The following ASCC3 variants were observed in gnomAD, a reference collection of about 807,000 sequenced individuals.
ASCC3 encodes the protein ASC-1 complex subunit P200.
A neutral mutation model predicts 256.3 loss-of-function variants in ASCC3; 158 were observed. The ratio of observed to expected loss-of-function variants is 0.62; its 90% confidence interval spans 0.54 to 0.70. ASCC3 has a LOEUF of 0.70. Among genes scored for constraint, ASCC3 ranks in the 30% least tolerant of loss-of-function variants. The pLI, the probability that ASCC3 is intolerant of heterozygous loss-of-function variation, is 0.00. For synonymous variants in ASCC3, 948 were observed against 883.4 expected (o/e 1.07, Z -1.30); for missense variants, 2,259 against 2,626.0 (o/e 0.86, Z 3.05).
At chr6:100,584,360 T>C (rs576785567) in intron 36 of ASCC3, among the ~76,000 whole-genome samples, 5 of 151,864 alleles carry the variant, frequency 3.3e-5, no homozygotes, top group African/African-American at 1.2e-4. Flanking sequence ...TTTGTGTCTT[T>C]TGATCTTTGT....
intron 4 of ASCC3, among the ~76,000 whole-genome samples, chr6:100,829,265 G>A (rs370024742): frequency 1.5e-4 from 23 of 152,254 alleles, no homozygotes; most frequent in African/African-American, 5.3e-4. Context: ...ATGGGACTGG[G>A]CACCGTGGAG....
chr6:100,826,293 G>A (rs1007365233), intron 4 of ASCC3, among the ~76,000 whole-genome samples: 3 of 151,792 alleles, frequency 2.0e-5, no homozygotes, highest in African/African-American at 4.8e-5. Context: ...CACCACGCCC[G>A]GCTAATTTTT....
intron 2 of ASCC3, 63 bp from the exon 3 acceptor site, chr6:100,864,277 T>C (rs1773374527): frequency 7.3e-7 from 1 of 1,378,890 alleles, no homozygotes. Flanking sequence ...CCAACGCTGA[T>C]TACATATATT....
chr6:100,682,766 G>A (rs997520890), intron 13 of ASCC3, among the ~76,000 whole-genome samples: 1 of 152,174 alleles, frequency 6.6e-6, no homozygotes, highest in Non-Finnish European at 1.5e-5. Context: ...CATAAAGGAG[G>A]CTACAGTTGT....
rs547704062 is a variant in ASCC3, at chr6:100,598,802, T to C, written c.5303+3008A>G. On this transcript the variant is annotated intron_variant, in intron 34 of 41. Transcript: ENST00000369162. ...TTCTGTGTCTGCTAACTAAACCTTATCTAGTTCCCACCCCCTATATAATAC... is the reference window on the plus strand; with the variant it reads ...TTCTGTGTCTGCTAACTAAACCTTACCTAGTTCCCACCCCCTATATAATAC... Among the ~76,000 whole-genome samples, 4 of 152,306 alleles carry C rather than the reference T, an allele frequency of 2.6e-5. No homozygotes were observed. In the South Asian group the frequency reaches 6.2e-4, roughly 24 times the overall value.
Position 100,605,459 on chromosome 6 carries a change from ATTC to A in ASCC3, c.5177+106_5177+108del, listed in dbSNP as rs1326441663. 7.7e-6 allele frequency: 6 copies of A among 777,150 alleles called. No individual in the cohort carries two copies. The African/African-American group carries it at 8.8e-5, about 11-fold the overall frequency. The allele number at this position is 777,150 out of a possible 1,614,324, so 48.1% of individuals were successfully genotyped here. A position where few individuals can be genotyped will look rare whatever the true frequency, so the allele number is the denominator to read the frequency against. On this transcript the variant is annotated intron_variant, in intron 33 of 41. Transcript: ENST00000369162. ...ATTATATTGTTTCACATTATATTAA[ATTC>A]TTCTAAGCTACCTGTTTTACTGATT...
Position 100,509,977 on chromosome 6 carries a change from T to A in ASCC3, c.6416A>T (p.His2139Leu). ...ALKRVGYIRN[H>L]HVASLSFYTP... ...ATAAAAAGAAAGGGAAGCAACATGA[T>A]GATTTCGAATATATCCTACTCTTTT... is the stretch of plus-strand genomic sequence containing the variant. The change falls in exon 41 of 42, where the codon CAT (histidine) becomes CTT (leucine). Residue 2139 changes from histidine (H) to leucine (L), a missense_variant. By Grantham distance (99) the His-to-Leu change is moderately conservative. Transcript: ENST00000369162. 6.2e-7 allele frequency: 1 copy of A among 1,614,114 alleles called. No individual in the cohort carries two copies. Among genetic ancestry groups the A allele is most frequent in the Non-Finnish European group, 8.5e-7 (1 of 1,179,976 alleles).
intron 30 of ASCC3, among the ~76,000 whole-genome samples, chr6:100,623,265 C>A (rs1286220629): frequency 1.3e-5 from 2 of 151,706 alleles, no homozygotes; most frequent in Non-Finnish European, 2.9e-5. Flanking sequence ...TCTGGTATAC[C>A]CATACAAGTA....
At chr6:100,715,381 G>A (rs764850822) in intron 13 of ASCC3, 81 bp downstream of exon 13, 3 of 1,270,448 alleles carry the variant, frequency 2.4e-6, no homozygotes, top group South Asian at 2.6e-5. Context: ...CTTCTGAAGA[G>A]CGTAAATATT....
chr6:100,804,202 A>G (rs1770056352), intron 5 of ASCC3, among the ~76,000 whole-genome samples: 1 of 152,106 alleles, frequency 6.6e-6, no homozygotes, highest in South Asian at 2.1e-4. Context: ...GATGTCTAGA[A>G]CTTCCTGTCA....
chr6:100,674,949 T>C (rs566960032), intron 14 of ASCC3, among the ~76,000 whole-genome samples: 9 of 152,190 alleles, frequency 5.9e-5, no homozygotes, highest in African/African-American at 9.6e-5. Flanking sequence ...TCTTAAAATA[T>C]AGGCATCATT....
At chr6:100,578,464 C>T (rs1023138698) in intron 36 of ASCC3, among the ~76,000 whole-genome samples, 12 of 151,898 alleles carry the variant, frequency 7.9e-5, no homozygotes, top group South Asian at 4.2e-4. Flanking sequence ...TTCCCTTCTT[C>T]GTGTCCATGT....
intron 14 of ASCC3, among the ~76,000 whole-genome samples, chr6:100,678,615 G>A (rs1404072770): frequency 1.3e-5 from 2 of 151,886 alleles, no homozygotes; most frequent in Admixed American, 6.6e-5. Context: ...GCTAGCAGCT[G>A]TTCAGTAACC....
chr6:100,678,472 T>C (rs996184820), intron 14 of ASCC3, among the ~76,000 whole-genome samples: 8 of 152,026 alleles, frequency 5.3e-5, no homozygotes, highest in Non-Finnish European at 1.0e-4. Flanking sequence ...ACTCTGATGT[T>C]CAAAACAACT....
At chr6:100,708,509 AAAC>A (rs1778710431) in intron 13 of ASCC3, among the ~76,000 whole-genome samples, 2 of 152,088 alleles carry the variant, frequency 1.3e-5, no homozygotes, top group African/African-American at 4.8e-5. Context: ...ACATCCCTCT[AAAC>A]AACACTTTTC....
chr6:100,760,895 G>A (rs930854045), intron 10 of ASCC3, among the ~76,000 whole-genome samples: 1 of 152,106 alleles, frequency 6.6e-6, no homozygotes, highest in Non-Finnish European at 1.5e-5. Context: ...AAAAAGTAAA[G>A]GAGAAAACAT....
At chr6:100,862,352 C>T (rs1275648689) in intron 3 of ASCC3, among the ~76,000 whole-genome samples, 1 of 152,078 alleles carries the variant, frequency 6.6e-6, no homozygotes, top group Non-Finnish European at 1.5e-5. Context: ...ACTTTCACAA[C>T]TTAAAACAAT....
chr6:100,736,784 T>C (rs1217664388), intron 10 of ASCC3, among the ~76,000 whole-genome samples: 1 of 152,170 alleles, frequency 6.6e-6, no homozygotes, highest in East Asian at 1.9e-4. Context: ...CCCTTGGATC[T>C]AAGCTAAACT....
At chr6:100,586,117 C>T (rs1295530530) in intron 36 of ASCC3, among the ~76,000 whole-genome samples, 1 of 152,208 alleles carries the variant, frequency 6.6e-6, no homozygotes, top group Non-Finnish European at 1.5e-5. Flanking sequence ...TCAAAGCTGT[C>T]AGCCAGGGAC....
Sources: allele counts gnomAD v4.1 joint callset (sites outside exome capture counted in the v4.1 genomes callset), GRCh38; gene constraint gnomAD v4.1.1; transcripts MANE v1.5; gene names NCBI Gene and HGNC (gene_info 2026-07-23, HGNC 2026-07-21).